CDHR1: variants seen among roughly 807,000 people sequenced by gnomAD.
CDHR1 encodes the protein cadherin related family member 1.
Under a neutral mutation model 72.1 loss-of-function variants are expected in CDHR1, and 61 were observed. The observed-to-expected ratio is 0.85, with a 90% CI of 0.69 to 1.05. The LOEUF (loss-of-function observed/expected upper bound fraction) is 1.05. Ranked by LOEUF, CDHR1 falls within the 50% of genes least tolerant of loss-of-function variation. The probability of loss-of-function intolerance (pLI) is 0.00; values close to 1 mark genes in which losing one functional copy is unlikely to be tolerated. For synonymous variants in CDHR1, 470 were observed against 448.1 expected, an observed-to-expected ratio of 1.05 and a Z score of -0.62; for missense variants, 1,186 against 1,115.7, an observed-to-expected ratio of 1.06 and a Z score of -0.90.
In CDHR1 at chr10:84,211,048, G is replaced by A. The variant is rs376967218; in HGVS notation, c.1368G>A (p.Ala456=). The part of the protein sequence containing the change: ...VNTPEKFSST[A]DVVIQLLDTN... ...CCCCAGAGAAGTTCAGTTCCACAGC[G>A]GATGTTGTGATCCAGCTCCTGGACA... Residue 456 remains alanine (A), a synonymous_variant, in exon 13 of 17, where the codon GCG becomes GCA. Transcript: ENST00000623527. 28 of 1,614,040 alleles carry A rather than the reference G, an allele frequency of 1.7e-5. No individual in the cohort carries two copies. Among genetic ancestry groups the A allele is most frequent in the African/African-American group, 1.3e-4 (10 of 74,918 alleles).
At position 84,196,512 on chromosome 10, in the gene CDHR1, C is replaced by G. The variant is rs12781048; in HGVS notation, c.159C>G (p.His53Gln). 1.2e-6 allele frequency: 2 copies of G among 1,614,172 alleles called. No individual in the cohort carries two copies. The highest frequency in any genetic ancestry group is 8.5e-7 in the Non-Finnish European group (1 of 1,180,002). Residue 53 changes from histidine to glutamine, a missense_variant, in exon 3 of 17, where the codon CAC (histidine) becomes CAG (glutamine). Physicochemically the swap from His to Gln is conservative, Grantham distance 24 (BLOSUM62 0). Transcript: ENST00000623527. ...SLPEDTPVGSHVYTLNGTDPE... is the reference protein window; with the variant it reads ...SLPEDTPVGSQVYTLNGTDPE... ...CACTGTGTTTCCTTCCAGGCTCTCACGTATACACCCTGAATGGGACAGACC... is the reference window on the plus strand; with the variant it reads ...CACTGTGTTTCCTTCCAGGCTCTCAGGTATACACCCTGAATGGGACAGACC...
At chr10:84,219,250 T>A, downstream of CDHR1, 1 of 1,550,780 alleles carries the variant, frequency 6.4e-7, no homozygotes, top group Non-Finnish European at 8.7e-7. Context: ...CTCTAGAGTT[T>A]TTCAAGGGGC....
chr10:84,196,801 T>A, intron 3 of CDHR1, 151 bp downstream of exon 3: 1 of 887,890 alleles, frequency 1.1e-6, no homozygotes, highest in Non-Finnish European at 1.8e-6. Context: ...GTGAGATCTC[T>A]GGGCCACTTC....
intron 14 of CDHR1, 75 bp downstream of exon 14, chr10:84,211,790 C>A: frequency 7.6e-7 from 1 of 1,318,478 alleles, no homozygotes; most frequent in Non-Finnish European, 1.1e-6. Flanking sequence ...AGGTCTGTGG[C>A]AGAGGCAGGA....
intron 4 of CDHR1, 129 bp from the exon 5 acceptor site, chr10:84,198,901 GAA>G (rs1491491396): frequency 1.4e-4 from 95 of 655,902 alleles, no homozygotes; most frequent in South Asian, 8.4e-4. Context: ...ATAAAAGAAG[GAA>G]GAGAGAGAGA....
chr10:84,211,616 G>A (rs1304124733), intron 13 of CDHR1, 32 bp from the exon 14 acceptor site: 3 of 1,599,308 alleles, frequency 1.9e-6, no homozygotes, highest in Non-Finnish European at 2.6e-6. Flanking sequence ...TGACAAAGAG[G>A]CACGTGCCAC....
intron 8 of CDHR1, 134 bp downstream of exon 8, chr10:84,203,257 A>G: frequency 2.6e-6 from 3 of 1,148,934 alleles, no homozygotes; most frequent in Admixed American, 3.6e-5. Context: ...CCAGCTCTGG[A>G]CTCACCCAGC....
chr10:84,200,780 T>C, intron 6 of CDHR1, 93 bp downstream of exon 6: 3 of 841,936 alleles, frequency 3.6e-6, no homozygotes, highest in Non-Finnish European at 6.0e-6. Context: ...CTTAGGTCGG[T>C]GCCTCTATGA....
chr10:84,200,877 G>A (rs1842112552), intron 6 of CDHR1, among the ~76,000 whole-genome samples, 190 bp downstream of exon 6: 1 of 152,274 alleles, frequency 6.6e-6, no homozygotes, highest in East Asian at 1.9e-4. Flanking sequence ...GCCCATCCTG[G>A]CGTCCTCTAA....
At position 84,213,280 on chromosome 10, in the gene CDHR1, G is replaced by A. The variant is rs753323082; in HGVS notation, c.1972G>A (p.Ala658Thr). 6.2e-7 allele frequency: 1 copy of A among 1,614,242 alleles called. No individual in the cohort carries two copies. The highest frequency in any genetic ancestry group is 1.7e-5 in the Admixed American group (1 of 60,034). The change falls in exon 16 of 17, where the codon GCC (alanine) becomes ACC (threonine). Residue 658 changes from alanine (A) to threonine (T), a missense_variant. Coordinates refer to ENST00000623527, the MANE Select transcript of CDHR1 (RefSeq NM_033100.4). ...RDCLWSLEVQ[A>T]KDRGSPSFST... Reference sequence around the variant, plus strand: ...CTGCCTATGGTCCCTAGAGGTGCAGGCCAAGGACCGGGGCTCCCCATCCTT... The same window carrying A: ...CTGCCTATGGTCCCTAGAGGTGCAGACCAAGGACCGGGGCTCCCCATCCTT...
rs1198531391 is a variant in CDHR1, at chr10:84,218,660, C to T, written c.*4039C>T. 1 of 986,420 alleles carries T rather than the reference C, an allele frequency of 1.0e-6. No individual in the cohort carries two copies. The highest frequency in any genetic ancestry group is 4.7e-5 in the South Asian group (1 of 21,294). The allele number at this position is 986,420 out of a possible 1,614,324, so 61.1% of individuals were successfully genotyped here. On this transcript the variant is annotated 3_prime_UTR_variant, in exon 17 of 17. Transcript: ENST00000623527. ...GCCTTAAACTTGTATGGTCTAAACT[C>T]TAAATAAATAAGCTTCTCAAGGGCA...
rs1460037396 is a variant in CDHR1 at position 84,201,405 on chromosome 10, G to T, written c.526-402G>T. Among the ~76,000 whole-genome samples the T allele has an allele frequency of 2.6e-5, 4 of 152,156 alleles. No individual in the cohort carries two copies. In the South Asian group the frequency reaches 8.3e-4, roughly 32 times the overall value. On this transcript the variant is annotated intron_variant, in intron 6 of 16. Coordinates refer to ENST00000623527, the MANE Select transcript of CDHR1 (RefSeq NM_033100.4). ...ACTGGCCCGCAGTCACTTGCTTGGT[G>T]TAGGGTTTGAAGGTCCCAACGTTTC...
Position 84,214,117 on chromosome 10 carries a change from A to C in CDHR1, c.2076A>C (p.Ile692=), listed in dbSNP as rs1259280203. 1 of 1,614,048 alleles carries C rather than the reference A, an allele frequency of 6.2e-7. No individual in the cohort carries two copies. The highest frequency in any genetic ancestry group is 2.2e-5 in the East Asian group (1 of 44,882). Residue 692 remains isoleucine (I), a synonymous_variant, in exon 17 of 17, where the codon ATA becomes ATC. Transcript: ENST00000623527. ...GGAGCCCCATGGCTGCCTTCCTGAT[A>C]CAGACCAAGGACAACCCCATGAAGG... ...LSRSPMAAFL[I]QTKDNPMKAV... is the part of the protein sequence containing the mutation.
At chr10:84,212,091 A>G (rs540518832) in intron 14 of CDHR1, 88 bp from the exon 15 acceptor site, 483 of 1,171,168 alleles carry the variant, frequency 4.1e-4, no homozygotes, top group Middle Eastern at 8.2e-4. Flanking sequence ...CTCCTGCTTC[A>G]GGAGGCAGCT....
chr10:84,205,888 G>A lies in CDHR1; in HGVS notation c.924G>A (p.Pro308=), dbSNP rs780406035. ...TSGAISITQS[P]AQLQREVYEL... ...GAGCCATCTCCATCACTCAGAGCCC[G>A]GCCCAGCTCCAGAGAGAGGTGTATG... Residue 308 remains proline, a synonymous_variant, in exon 10 of 17, where the codon CCG becomes CCA. Transcript: ENST00000623527. 9.3e-6 allele frequency: 15 copies of A among 1,614,076 alleles called. No individual in the cohort carries two copies. The highest frequency in any genetic ancestry group is 1.7e-5 in the Admixed American group (1 of 60,004).
intron 10 of CDHR1, 104 bp downstream of exon 10, chr10:84,206,031 G>C: frequency 1.2e-6 from 1 of 830,602 alleles, no homozygotes; most frequent in Admixed American, 2.0e-5. Context: ...AGTCTGGGGA[G>C]GGGGCTAGAT....
chr10:84,216,460 A>G lies in CDHR1; in HGVS notation c.*1839A>G. Reference sequence around the variant, plus strand: ...GCTTGCCCTCCACAGGGAATACAGCATCCTTACAGCTTGCATGCAATCAAC... The same window carrying G: ...GCTTGCCCTCCACAGGGAATACAGCGTCCTTACAGCTTGCATGCAATCAAC... On this transcript the variant is annotated 3_prime_UTR_variant, in exon 17 of 17. Transcript: ENST00000623527. The G allele has an allele frequency of 1.0e-6, 1 of 985,518 alleles. No individual in the cohort carries two copies. The highest frequency in any genetic ancestry group is 1.2e-6 in the Non-Finnish European group (1 of 829,960). 61.0% of individuals were successfully genotyped at this position (985,518 alleles called of 1,614,324 possible).
Position 84,215,061 on chromosome 10 carries a change from A to C in CDHR1, c.*440A>C. The C allele has an allele frequency of 9.3e-7, 1 of 1,069,598 alleles. No homozygotes were observed. Among genetic ancestry groups the C allele is most frequent in the Non-Finnish European group, 1.1e-6 (1 of 880,368 alleles). The allele number at this position is 1,069,598 out of a possible 1,614,324, so 66.3% of individuals were successfully genotyped here. The stretch of plus-strand genomic sequence containing the variant: ...CTAGAATCTGGATCCTGACGCCTGC[A>C]GCTGAGAGCAGGAGCAGGAAAAGGA... On this transcript the variant is annotated 3_prime_UTR_variant, in exon 17 of 17. Coordinates refer to ENST00000623527, the MANE Select transcript of CDHR1 (RefSeq NM_033100.4).
Position 84,211,003 on chromosome 10 carries a change from C to T in CDHR1, c.1323C>T (p.Leu441=). The T allele has an allele frequency of 6.2e-7, 1 of 1,614,192 alleles. No homozygotes were observed. Among genetic ancestry groups the T allele is most frequent in the Non-Finnish European group, 8.5e-7 (1 of 1,180,040 alleles). ...FEKSKVLTFK[L]LAVEVNTPEK... ...TCCCCATTTTCCCCCCTTCCCAGCT[C>T]CTGGCTGTTGAAGTGAACACCCCAG... is the stretch of plus-strand genomic sequence containing the variant. The change falls in exon 13 of 17, where the codon CTC becomes CTT. Residue 441 remains leucine (L), a splice_region_variant and synonymous_variant. Coordinates refer to ENST00000623527, the MANE Select transcript of CDHR1 (RefSeq NM_033100.4).
Sources: gnomAD v4.1 joint callset for allele counts (sites outside exome capture counted in the v4.1 genomes callset) on GRCh38, gnomAD v4.1.1 for gene constraint, MANE v1.5 for transcripts, NCBI Gene and HGNC (gene_info 2026-07-23, HGNC 2026-07-21) for gene names.